Variants in OR2L13 observed in about 807,000 individuals in gnomAD.
OR2L13 encodes olfactory receptor 2L13.
OR2L13 carries 14 observed loss-of-function variants against 15.3 expected under a neutral mutation model. The ratio of observed to expected loss-of-function variants is 0.91; its 90% CI spans 0.60 to 1.43. The LOEUF (loss-of-function observed/expected upper bound fraction) is 1.43, where lower values mean the gene tolerates loss of function less well. OR2L13 is among the 40% of genes most tolerant of loss of function. The pLI is 0.00. For missense variants in OR2L13, 367 were observed against 387.9 expected (o/e 0.95, Z 0.45); for synonymous variants, 152 against 142.9 (o/e 1.06, Z -0.45).
chr1:247,939,657 T>G, the OR2L13 span: 1 of 152,198 alleles, frequency 6.6e-6, no homozygotes, highest in Non-Finnish European at 1.5e-5. Context: ...TCCCTCTATT[T>G]CCACATTCAA....
At chr1:248,054,943 T>G in the OR2L13 span, among the ~76,000 whole-genome samples, 1 of 152,166 alleles carries the variant, frequency 6.6e-6, no homozygotes, top group Non-Finnish European at 1.5e-5. Context: ...TTTCCTTTGA[T>G]TGATTGCCCT....
the OR2L13 span, among the ~76,000 whole-genome samples, chr1:247,985,446 C>A: frequency 6.6e-6 from 1 of 152,044 alleles, no homozygotes; most frequent in Non-Finnish European, 1.5e-5. Flanking sequence ...GAACTCATCA[C>A]TTTTATGGCT....
In OR2L13 at chr1:248,100,050, T is replaced by G. The variant is rs370400000; in HGVS notation, c.675T>G (p.Tyr225Ter). Residue 225 changes from tyrosine (Y) to a stop codon, truncating the protein, a stop_gained, in exon 3 of 3, where the codon TAT becomes TAG. Transcript: ENST00000641714. LOFTEE classifies it high-confidence loss of function. ...GTGGCCGAGTCCTATTTGCTGTCTA[T>G]CATATGCACTCAAAGGAGGGGAGAA... The G allele has an allele frequency of 6.8e-6, 11 of 1,614,160 alleles. No individual in the cohort carries two copies. The highest frequency in any genetic ancestry group is 9.3e-6 in the Non-Finnish European group (11 of 1,179,996).
the OR2L13 span, chr1:247,948,873 C>T: frequency 6.2e-7 from 1 of 1,605,510 alleles, no homozygotes; most frequent in Non-Finnish European, 8.5e-7. Context: ...AAATTACAAT[C>T]AAACATCAAC....
the OR2L13 span, among the ~76,000 whole-genome samples, chr1:247,943,202 CAAAT>C: frequency 6.6e-6 from 1 of 151,888 alleles, no homozygotes; most frequent in Non-Finnish European, 1.5e-5. Context: ...AACAGAGTAA[CAAAT>C]AAGTGGGAGC....
chr1:248,092,424 T>C (rs1664619314), upstream of OR2L13, among the ~76,000 whole-genome samples: 1 of 152,158 alleles, frequency 6.6e-6, no homozygotes, highest in Non-Finnish European at 1.5e-5. Context: ...TAAAGTTGGA[T>C]ATTCAGCACC....
At chr1:248,067,458 A>C in the OR2L13 span, among the ~76,000 whole-genome samples, 1 of 152,228 alleles carries the variant, frequency 6.6e-6, no homozygotes, top group Non-Finnish European at 1.5e-5. Context: ...ATTTGCTCAT[A>C]TTATTCTTTT....
chr1:247,980,898 A>G, the OR2L13 span: 5 of 152,184 alleles, frequency 3.3e-5, no homozygotes, highest in African/African-American at 1.2e-4. Context: ...ACAGCTAACC[A>G]AGGCAGTGTG....
At chr1:248,068,078 A>G in the OR2L13 span, among the ~76,000 whole-genome samples, 12 of 140,632 alleles carry the variant, frequency 8.5e-5, no homozygotes, top group African/African-American at 2.9e-4. Context: ...GGCACAGACA[A>G]ACAAAAAGAC....
the OR2L13 span, among the ~76,000 whole-genome samples, chr1:247,967,633 A>G: frequency 2.6e-5 from 4 of 152,014 alleles, no homozygotes. Flanking sequence ...ATTATTTTTT[A>G]TTTAATCAAT....
the OR2L13 span, among the ~76,000 whole-genome samples, chr1:247,986,346 C>T: frequency 7.2e-5 from 11 of 152,282 alleles, no homozygotes; most frequent in East Asian, 1.5e-3. Flanking sequence ...CCAGTTTTCC[C>T]CGCACCATTT....
At chr1:247,971,271 TAGAGC>T in the OR2L13 span, among the ~76,000 whole-genome samples, 1 of 152,134 alleles carries the variant, frequency 6.6e-6, no homozygotes, top group African/African-American at 2.4e-5. Flanking sequence ...CAGAAGAACG[TAGAGC>T]AGACACTATT....
At chr1:247,961,625 TG>T in the OR2L13 span, among the ~76,000 whole-genome samples, 1 of 152,146 alleles carries the variant, frequency 6.6e-6, no homozygotes, top group East Asian at 1.9e-4. Context: ...TGGACAATAT[TG>T]GGTCAGAAAT....
chr1:247,956,190 T>C, the OR2L13 span, among the ~76,000 whole-genome samples: 2 of 151,972 alleles, frequency 1.3e-5, no homozygotes. Flanking sequence ...GCACCATTTA[T>C]TAAATAGGGA....
At chr1:247,947,433 G>A in the OR2L13 span, among the ~76,000 whole-genome samples, 1 of 152,138 alleles carries the variant, frequency 6.6e-6, no homozygotes, top group Non-Finnish European at 1.5e-5. Flanking sequence ...TAAAAACTCT[G>A]GTTCTTTTAG....
chr1:247,954,597 A>G, the OR2L13 span, among the ~76,000 whole-genome samples: 5 of 145,968 alleles, frequency 3.4e-5, no homozygotes, highest in African/African-American at 9.8e-5. Context: ...CCTTAATTGA[A>G]AGTGAAATAT....
At chr1:248,003,342 A>G in the OR2L13 span, 46 of 1,601,190 alleles carry the variant, frequency 2.9e-5, no homozygotes, top group Non-Finnish European at 3.9e-5. Flanking sequence ...ATTGACCTAA[A>G]TTACATCTCC....
At chr1:248,022,761 G>A in the OR2L13 span, 9 of 1,613,922 alleles carry the variant, frequency 5.6e-6, no homozygotes, top group East Asian at 4.5e-5. Flanking sequence ...AGAGGACAAG[G>A]TTCTGGCTGT....
At chr1:247,971,765 G>A in the OR2L13 span, among the ~76,000 whole-genome samples, 11 of 152,060 alleles carry the variant, frequency 7.2e-5, no homozygotes, top group South Asian at 6.2e-4. Context: ...TGGACCAAGC[G>A]GACCGAATAG....
Sources: allele counts gnomAD v4.1 joint callset (sites outside exome capture counted in the v4.1 genomes callset), GRCh38; gene constraint gnomAD v4.1.1; transcripts MANE v1.5; gene names NCBI Gene and HGNC (gene_info 2026-07-23, HGNC 2026-07-21).